The following ADAMTS19 variants were observed in gnomAD, a reference collection of about 807,000 sequenced individuals.
ADAMTS19 encodes the protein ADAM metallopeptidase with thrombospondin type 1 motif 19.
A neutral mutation model predicts 153.3 loss-of-function variants in ADAMTS19; 93 were observed. That is an observed-to-expected ratio of 0.61 (90% CI 0.51 to 0.72). The LOEUF (loss-of-function observed/expected upper bound fraction) is 0.72, where lower values mean the gene tolerates loss of function less well. ADAMTS19 is among the 30% of genes least tolerant of loss of function. ADAMTS19 has a pLI of 0.00. For missense variants in ADAMTS19, 1,482 were observed against 1,552.1 expected (o/e 0.95, Z 0.76); for synonymous variants, 600 against 556.6 (o/e 1.08, Z -1.10).
intron 6 of ADAMTS19, among the ~76,000 whole-genome samples, chr5:129,547,847 A>G (rs906348713): frequency 1.3e-5 from 2 of 150,852 alleles, no homozygotes; most frequent in Non-Finnish European, 1.5e-5. Flanking sequence ...ATGGAACAGA[A>G]CAGAGCCCTC....
At chr5:129,541,542 C>T (rs1435091383) in intron 6 of ADAMTS19, among the ~76,000 whole-genome samples, 1 of 151,914 alleles carries the variant, frequency 6.6e-6, no homozygotes, top group East Asian at 1.9e-4. Context: ...GTGTTTCCTT[C>T]TCCATTTGTT....
chr5:129,665,944 A>G (rs902096463), intron 16 of ADAMTS19, among the ~76,000 whole-genome samples: 1 of 148,804 alleles, frequency 6.7e-6, no homozygotes, highest in Non-Finnish European at 1.5e-5. Flanking sequence ...ATACATTCAT[A>G]TATACATATT....
At chr5:129,674,806 A>G (rs1754482850) in intron 16 of ADAMTS19, among the ~76,000 whole-genome samples, 3 of 152,110 alleles carry the variant, frequency 2.0e-5, no homozygotes. Context: ...TATACTAAAA[A>G]TAATATCGAT....
chr5:129,596,772 T>A, intron 8 of ADAMTS19, 108 bp downstream of exon 8: 1 of 817,598 alleles, frequency 1.2e-6, no homozygotes, highest in South Asian at 1.9e-5. Flanking sequence ...TTCAAGTTTT[T>A]GAAAAACTAG....
At chr5:129,562,040 G>A (rs965099181) in intron 7 of ADAMTS19, among the ~76,000 whole-genome samples, 2 of 152,130 alleles carry the variant, frequency 1.3e-5, no homozygotes, top group Admixed American at 1.3e-4. Flanking sequence ...GGTTTTTATA[G>A]AGTGACAAGT....
At position 129,684,114 on chromosome 5, in the gene ADAMTS19, C is replaced by T. The variant is rs1754955874; in HGVS notation, c.2665-6C>T. 6.2e-7 allele frequency: 1 copy of T among 1,613,194 alleles called. No individual in the cohort carries two copies. The highest frequency in any genetic ancestry group is 1.3e-5 in the African/African-American group (1 of 74,934). ...CATCTGCCTTGATCATTTTTGTATA[C>T]TATAGGTGCTCCTGTTTCAGGATCA... On this transcript the variant is annotated splice_polypyrimidine_tract_variant and splice_region_variant and intron_variant, in intron 17 of 22. Coordinates refer to ENST00000274487, the MANE Select transcript of ADAMTS19 (RefSeq NM_133638.6).
At chr5:129,587,065 T>TTTAC in intron 7 of ADAMTS19, among the ~76,000 whole-genome samples, 1 of 151,592 alleles carries the variant, frequency 6.6e-6, no homozygotes, top group South Asian at 2.1e-4. Flanking sequence ...GTATTTTAAA[T>TTTAC]TAATCCAGGA....
At chr5:129,484,339 C>T (rs893837501) in intron 2 of ADAMTS19, among the ~76,000 whole-genome samples, 5 of 152,142 alleles carry the variant, frequency 3.3e-5, no homozygotes, top group Admixed American at 2.6e-4. Context: ...TTGAAGCCCT[C>T]AGGGTACTTC....
intron 16 of ADAMTS19, among the ~76,000 whole-genome samples, chr5:129,675,776 T>C (rs1489133582): frequency 6.6e-6 from 1 of 152,190 alleles, no homozygotes; most frequent in Non-Finnish European, 1.5e-5. Flanking sequence ...GGCTCACACC[T>C]GTAATCCCAG....
Position 129,734,912 on chromosome 5 carries a change from A to C in ADAMTS19, c.3313-20A>C, listed in dbSNP as rs780176620. The C allele has an allele frequency of 6.5e-7, 1 of 1,528,516 alleles. No individual in the cohort carries two copies. Among genetic ancestry groups the C allele is most frequent in the Non-Finnish European group, 8.8e-7 (1 of 1,139,414 alleles). 94.7% of individuals were successfully genotyped at this position (1,528,516 alleles called of 1,614,324 possible). ...AATAAAAATAAAAAAGAACCTAAAC[A>C]AACCTTGTATTTCTCCTAGTGCTCA... On this transcript the variant is annotated intron_variant, in intron 21 of 22. Transcript: ENST00000274487.
intron 19 of ADAMTS19, among the ~76,000 whole-genome samples, chr5:129,695,805 G>A (rs763390699): frequency 2.5e-4 from 38 of 152,254 alleles, no homozygotes; most frequent in Admixed American, 9.2e-4. Flanking sequence ...GTTGAAGCCC[G>A]GTGAGTTAGG....
At chr5:129,699,947 T>C (rs545116552) in intron 19 of ADAMTS19, among the ~76,000 whole-genome samples, 62 of 152,300 alleles carry the variant, frequency 4.1e-4, no homozygotes, top group African/African-American at 1.5e-3. Flanking sequence ...AACTTACAGC[T>C]AATAAGTATT....
chr5:129,662,698 C>T (rs146134400), intron 15 of ADAMTS19, among the ~76,000 whole-genome samples: 325 of 152,068 alleles, frequency 2.1e-3, no homozygotes, highest in African/African-American at 7.1e-3. Context: ...CTCATTTGCT[C>T]GGAGATTAAC....
intron 18 of ADAMTS19, among the ~76,000 whole-genome samples, chr5:129,690,092 C>A (rs1755263655): frequency 6.6e-6 from 1 of 152,086 alleles, no homozygotes; most frequent in South Asian, 2.1e-4. Context: ...TTCACTCATT[C>A]ATTCCTTTAC....
At chr5:129,667,037 C>G (rs1754083486) in intron 16 of ADAMTS19, among the ~76,000 whole-genome samples, 1 of 152,160 alleles carries the variant, frequency 6.6e-6, no homozygotes, top group South Asian at 2.1e-4. Context: ...GTCTCTTCAA[C>G]CAATCCAGTC....
intron 15 of ADAMTS19, among the ~76,000 whole-genome samples, chr5:129,664,535 C>A (rs560622898): frequency 6.6e-6 from 1 of 152,158 alleles, no homozygotes; most frequent in Non-Finnish European, 1.5e-5. Context: ...ATTCCAGCCA[C>A]TACCACCAGG....
intron 7 of ADAMTS19, among the ~76,000 whole-genome samples, chr5:129,565,234 A>G (rs1445686163): frequency 6.6e-6 from 1 of 152,194 alleles, no homozygotes; most frequent in Non-Finnish European, 1.5e-5. Context: ...CATGTATTAG[A>G]AGCTGATTCT....
chr5:129,682,674 T>G (rs1340644721), intron 17 of ADAMTS19, among the ~76,000 whole-genome samples: 1 of 152,150 alleles, frequency 6.6e-6, no homozygotes, highest in Non-Finnish European at 1.5e-5. Flanking sequence ...TTTAAACTCA[T>G]TAGGCTGAAA....
At chr5:129,630,495 A>T (rs909239188) in intron 10 of ADAMTS19, among the ~76,000 whole-genome samples, 1 of 152,120 alleles carries the variant, frequency 6.6e-6, no homozygotes, top group Non-Finnish European at 1.5e-5. Flanking sequence ...AAAAGTAACA[A>T]GGCAGTTGAA....
Sources: gnomAD v4.1 joint callset for allele counts (sites outside exome capture counted in the v4.1 genomes callset) on GRCh38, gnomAD v4.1.1 for gene constraint, MANE v1.5 for transcripts, NCBI Gene and HGNC (gene_info 2026-07-23, HGNC 2026-07-21) for gene names.